WWOX: variants seen among roughly 807,000 people sequenced by gnomAD.
WWOX encodes WW domain containing oxidoreductase.
Under a neutral mutation model 46.2 loss-of-function variants are expected in WWOX, and 69 were observed. The observed-to-expected ratio is 1.49, with a 90% CI of 1.23 to 1.82. The LOEUF (loss-of-function observed/expected upper bound fraction) is 1.82. Ranked by LOEUF, WWOX falls within the 40% of genes most tolerant of loss-of-function variation. WWOX has a pLI of 0.00. For missense variants in WWOX, 919 were observed against 542.6 expected (o/e 1.69, Z -6.89); for synonymous variants, 359 against 202.6 (o/e 1.77, Z -6.56).
intron 8 of WWOX, among the ~76,000 whole-genome samples, chr16:78,740,165 A>G (rs1288557328): frequency 1.3e-5 from 2 of 152,120 alleles, no homozygotes; most frequent in African/African-American, 2.4e-5. Flanking sequence ...TGAAAACTCC[A>G]TTTCTTAGAG....
intron 8 of WWOX, among the ~76,000 whole-genome samples, chr16:79,120,928 C>T (rs974908167): frequency 2.0e-5 from 3 of 152,144 alleles, no homozygotes; most frequent in African/African-American, 7.2e-5. Flanking sequence ...GCCACCATGC[C>T]CGGTCAATTT....
At chr16:78,220,013 C>T (rs559134483) in intron 5 of WWOX, among the ~76,000 whole-genome samples, 2 of 152,292 alleles carry the variant, frequency 1.3e-5, no homozygotes, top group East Asian at 3.9e-4. Context: ...TATAATTATT[C>T]TGTGAACTGT....
chr16:78,641,757 A>C (rs897320902), intron 8 of WWOX, among the ~76,000 whole-genome samples: 1 of 152,186 alleles, frequency 6.6e-6, no homozygotes, highest in Non-Finnish European at 1.5e-5. Context: ...ACGAAGACTA[A>C]TTACCTGACA....
chr16:78,397,931 T>G (rs1387817390), intron 6 of WWOX, among the ~76,000 whole-genome samples: 1 of 152,226 alleles, frequency 6.6e-6, no homozygotes, highest in Non-Finnish European at 1.5e-5. Context: ...GTACTCAGAC[T>G]ATTTTCCAAC....
At chr16:79,172,159 C>A (rs28477789) in intron 8 of WWOX, among the ~76,000 whole-genome samples, 3,862 of 149,940 alleles carry the variant, frequency 0.026, 194 homozygotes, top group African/African-American at 0.094. Context: ...TAGTTGTACG[C>A]CCCATGAACT....
rs551958668 is a variant in WWOX at position 78,339,326 on chromosome 16, A to G, written c.517-47534A>G. ...GTGATGTACCTATCATTCAACCTCA[A>G]ACTTTCATGTGATTGTCTAAATCTC... On this transcript the variant is annotated intron_variant, in intron 5 of 8. Transcript: ENST00000566780. Among the ~76,000 whole-genome samples the G allele has an allele frequency of 3.5e-5, 4 of 114,376 alleles. 1 individual carries two copies. The highest frequency in any genetic ancestry group is 1.2e-4 in the African/African-American group (4 of 33,546). The allele number at this position is 114,376 out of a possible 152,430, so 75.0% of individuals were successfully genotyped here.
At chr16:78,329,842 G>C (rs931512996) in intron 5 of WWOX, among the ~76,000 whole-genome samples, 1 of 151,408 alleles carries the variant, frequency 6.6e-6, no homozygotes, top group Non-Finnish European at 1.5e-5. Flanking sequence ...AAACTCTTTG[G>C]CTCCAGTGAT....
chr16:78,838,994 C>G (rs2052066198), intron 8 of WWOX, among the ~76,000 whole-genome samples: 1 of 152,130 alleles, frequency 6.6e-6, no homozygotes, highest in Non-Finnish European at 1.5e-5. Context: ...TCTTGACTGT[C>G]TCAATGTCAA....
intron 8 of WWOX, among the ~76,000 whole-genome samples, chr16:78,734,984 G>T (rs1239171057): frequency 2.0e-5 from 3 of 148,368 alleles, no homozygotes; most frequent in Non-Finnish European, 4.4e-5. Context: ...TCCTGCCTCA[G>T]CCTTCCCGAG....
intron 8 of WWOX, among the ~76,000 whole-genome samples, chr16:78,813,406 T>C (rs2051246611): frequency 6.6e-6 from 1 of 152,112 alleles, no homozygotes; most frequent in Admixed American, 6.5e-5. Context: ...TTTTGTCAGG[T>C]GGTTACCAGA....
At chr16:78,616,055 A>G (rs946805214) in intron 8 of WWOX, among the ~76,000 whole-genome samples, 4 of 152,002 alleles carry the variant, frequency 2.6e-5, no homozygotes, top group Admixed American at 6.5e-5. Context: ...TGGCCAGGAT[A>G]ATCTTTAAGA....
chr16:78,768,165 T>C (rs1292503328), intron 8 of WWOX, among the ~76,000 whole-genome samples: 1 of 130,970 alleles, frequency 7.6e-6, no homozygotes, highest in Non-Finnish European at 1.7e-5. Context: ...GGCGGGGGGG[T>C]CGGTTATTTT....
intron 8 of WWOX, among the ~76,000 whole-genome samples, chr16:78,887,070 TGTGTGTG>T (rs1555559535): frequency 4.0e-5 from 1 of 24,908 alleles, no homozygotes; most frequent in East Asian, 1.6e-3. Context: ...TATATGTGTG[TGTGTGTG>T]GTGTGTGTGT....
At chr16:78,193,362 C>T (rs555902380) in intron 5 of WWOX, among the ~76,000 whole-genome samples, 2 of 152,196 alleles carry the variant, frequency 1.3e-5, no homozygotes, top group Non-Finnish European at 2.9e-5. Context: ...TTATCTCAAG[C>T]TCCCAGAAGT....
chr16:78,685,541 C>G (rs1202804267), intron 8 of WWOX, among the ~76,000 whole-genome samples: 1 of 152,150 alleles, frequency 6.6e-6, no homozygotes, highest in Non-Finnish European at 1.5e-5. Context: ...AAATAGCCCC[C>G]AAAATGAAAA....
intron 8 of WWOX, among the ~76,000 whole-genome samples, chr16:78,828,892 G>A (rs1287781429): frequency 6.6e-6 from 1 of 152,202 alleles, no homozygotes; most frequent in Non-Finnish European, 1.5e-5. Flanking sequence ...ATCCTAAAAT[G>A]TAGATGTAGT....
intron 8 of WWOX, among the ~76,000 whole-genome samples, chr16:78,876,150 CT>C (rs1261297347): frequency 6.6e-6 from 1 of 151,956 alleles, no homozygotes; most frequent in Non-Finnish European, 1.5e-5. Context: ...CCTTATAATC[CT>C]TTTATAAATT....
intron 8 of WWOX, among the ~76,000 whole-genome samples, chr16:78,618,401 C>T (rs1424626912): frequency 1.3e-5 from 2 of 152,148 alleles, no homozygotes; most frequent in South Asian, 2.1e-4. Flanking sequence ...CTCTCTGTAC[C>T]ATTGTCCCTG....
chr16:78,517,690 A>G (rs1273104523), intron 8 of WWOX, among the ~76,000 whole-genome samples: 1 of 152,096 alleles, frequency 6.6e-6, no homozygotes, highest in Admixed American at 6.5e-5. Context: ...GTGAGGATGG[A>G]AAGGGCATGC....
Sources: gnomAD v4.1 joint callset for allele counts (sites outside exome capture counted in the v4.1 genomes callset) on GRCh38, gnomAD v4.1.1 for gene constraint, MANE v1.5 for transcripts, NCBI Gene and HGNC (gene_info 2026-07-23, HGNC 2026-07-21) for gene names.